The following NUBPL variants were observed in gnomAD, a reference collection of about 807,000 sequenced individuals.
NUBPL encodes the protein iron-sulfur cluster transfer protein NUBPL.
Under a neutral mutation model 45.7 loss-of-function variants are expected in NUBPL, and 31 were observed. The observed-to-expected ratio is 0.68, with a 90% CI of 0.51 to 0.92. The LOEUF is 0.92. Among genes scored for constraint, NUBPL ranks in the 40% least tolerant of loss-of-function variants. The probability of loss-of-function intolerance (pLI) is 0.00; values close to 1 mark genes in which losing one functional copy is unlikely to be tolerated. For missense variants in NUBPL, 401 were observed against 398.7 expected (o/e 1.01, Z -0.05); for synonymous variants, 144 against 140.9 (o/e 1.02, Z -0.15).
intron 8 of NUBPL, chr14:31,846,100 G>C (rs1046210515): frequency 3.4e-6 from 1 of 292,148 alleles, no homozygotes; most frequent in African/African-American, 2.2e-5. Context: ...GTTTTATTTT[G>C]CTACCTTGGC....
At chr14:31,698,585 T>C (rs2037265043) in intron 6 of NUBPL, among the ~76,000 whole-genome samples, 1 of 152,162 alleles carries the variant, frequency 6.6e-6, no homozygotes, top group Admixed American at 6.5e-5. Context: ...CCTCTGGCTT[T>C]ATTCATTTTT....
At chr14:31,615,562 C>T (rs2034876910) in intron 4 of NUBPL, among the ~76,000 whole-genome samples, 2 of 152,064 alleles carry the variant, frequency 1.3e-5, no homozygotes, top group African/African-American at 4.8e-5. Context: ...GTTTTCTATT[C>T]CTGTGTTAGT....
chr14:31,824,985 G>A (rs1173291255), intron 7 of NUBPL, among the ~76,000 whole-genome samples: 2 of 152,064 alleles, frequency 1.3e-5, no homozygotes, highest in Non-Finnish European at 2.9e-5. Context: ...CCAGGCCTTT[G>A]TTGTTTTGAC....
At chr14:31,756,412 T>C (rs2038665212) in intron 6 of NUBPL, among the ~76,000 whole-genome samples, 1 of 152,112 alleles carries the variant, frequency 6.6e-6, no homozygotes, top group Non-Finnish European at 1.5e-5. Context: ...AAGAGGTCCT[T>C]CACGTCCCTT....
intron 3 of NUBPL, among the ~76,000 whole-genome samples, chr14:31,569,346 G>A (rs1566418567): frequency 6.6e-6 from 1 of 151,994 alleles, no homozygotes; most frequent in Non-Finnish European, 1.5e-5. Context: ...ACAGGTGCCC[G>A]CCACAACACC....
At chr14:31,645,795 C>T (rs1259129763) in intron 4 of NUBPL, among the ~76,000 whole-genome samples, 1 of 115,690 alleles carries the variant, frequency 8.6e-6, no homozygotes, top group African/African-American at 3.3e-5. Flanking sequence ...CACATTTTGA[C>T]TTTTGTTGTG....
chr14:31,584,891 G>T (rs2033955600), intron 3 of NUBPL, among the ~76,000 whole-genome samples: 1 of 152,214 alleles, frequency 6.6e-6, no homozygotes, highest in Non-Finnish European at 1.5e-5. Flanking sequence ...TGGAAAGAGA[G>T]TGAGAGAGCT....
chr14:31,854,587 T>G (rs1245517231), intron 10 of NUBPL, among the ~76,000 whole-genome samples: 1 of 152,226 alleles, frequency 6.6e-6, no homozygotes, highest in Non-Finnish European at 1.5e-5. Context: ...ACATGCCATA[T>G]TCTCACTTAA....
At position 31,590,222 on chromosome 14, in the gene NUBPL, C is replaced by T. The variant is rs147583998; in HGVS notation, c.292-9067C>T. ...GTGGTGTGATCTCAGCTCACTGCAA[C>T]CTCTGCCTCCCAGGTTCAGGCAGAA... On this transcript the variant is annotated intron_variant, in intron 3 of 10. Coordinates refer to ENST00000281081, the MANE Select transcript of NUBPL (RefSeq NM_025152.3). 7.0e-4 allele frequency among the ~76,000 whole-genome samples: 106 copies of T among 152,274 alleles called. No individual in the cohort carries two copies. The East Asian group carries it at 0.015, about 22-fold the overall frequency.
At chr14:31,753,521 T>G (rs1297454088) in intron 6 of NUBPL, among the ~76,000 whole-genome samples, 3 of 151,974 alleles carry the variant, frequency 2.0e-5, no homozygotes, top group African/African-American at 7.3e-5. Flanking sequence ...GCATTACAAG[T>G]ATATAGGCAT....
In NUBPL at chr14:31,739,362, G is replaced by C. The variant is rs532643991; in HGVS notation, c.514-48418G>C. ...GGCCTCCCAGAGTGCTGGGATTACA[G>C]GCATGAGCCACCGTGCCTGGCCAAG... is the stretch of plus-strand genomic sequence containing the variant. On this transcript the variant is annotated intron_variant, in intron 6 of 10. Transcript: ENST00000281081. Among the ~76,000 whole-genome samples, 5 of 151,498 alleles carry C rather than the reference G, an allele frequency of 3.3e-5. No homozygotes were observed. In the South Asian group the frequency reaches 8.3e-4, roughly 25 times the overall value.
intron 3 of NUBPL, among the ~76,000 whole-genome samples, chr14:31,587,020 A>G (rs2034013031): frequency 6.6e-6 from 1 of 152,184 alleles, no homozygotes; most frequent in Non-Finnish European, 1.5e-5. Flanking sequence ...AACGGAAAAC[A>G]GAGGAGGCAG....
chr14:31,805,311 T>C (rs138432059), intron 7 of NUBPL, among the ~76,000 whole-genome samples: 94 of 152,346 alleles, frequency 6.2e-4, no homozygotes, highest in African/African-American at 2.2e-3. Context: ...TTATACACTG[T>C]TGGTGAGAGT....
chr14:31,711,357 C>A (rs1341424719), intron 6 of NUBPL, among the ~76,000 whole-genome samples: 2 of 152,176 alleles, frequency 1.3e-5, no homozygotes, highest in African/African-American at 4.8e-5. Flanking sequence ...GCGCTAGTAG[C>A]TTTTAACTGG....
chr14:31,716,911 C>A (rs962553746), intron 6 of NUBPL, among the ~76,000 whole-genome samples: 2 of 152,154 alleles, frequency 1.3e-5, no homozygotes, highest in Non-Finnish European at 1.5e-5. Context: ...TTATGGTGTT[C>A]ATTTCTCCCA....
chr14:31,750,165 A>G (rs1370646593), intron 6 of NUBPL, among the ~76,000 whole-genome samples: 1 of 115,096 alleles, frequency 8.7e-6, no homozygotes, highest in East Asian at 3.0e-4. Flanking sequence ...ATTTTCTTAC[A>G]ATCATTATTA....
At chr14:31,751,473 G>T (rs920798329) in intron 6 of NUBPL, among the ~76,000 whole-genome samples, 1 of 152,260 alleles carries the variant, frequency 6.6e-6, no homozygotes, top group African/African-American at 2.4e-5. Context: ...TCTGAAACCT[G>T]GCAGGGCACC....
At chr14:31,569,286 T>G (rs1395290432) in intron 3 of NUBPL, among the ~76,000 whole-genome samples, 1 of 152,176 alleles carries the variant, frequency 6.6e-6, no homozygotes, top group Non-Finnish European at 1.5e-5. Flanking sequence ...AACCTCCGCC[T>G]CCCGGGTTCA....
chr14:31,670,124 G>C (rs531921016), intron 4 of NUBPL, among the ~76,000 whole-genome samples: 2 of 151,904 alleles, frequency 1.3e-5, no homozygotes, highest in Non-Finnish European at 2.9e-5. Context: ...CCTTTTCCCC[G>C]TAACATTGCC....
Sources: gnomAD v4.1 joint callset for allele counts (sites outside exome capture counted in the v4.1 genomes callset) on GRCh38, gnomAD v4.1.1 for gene constraint, MANE v1.5 for transcripts, NCBI Gene and HGNC (gene_info 2026-07-23, HGNC 2026-07-21) for gene names.